DDX39B: variants seen among roughly 807,000 people sequenced by gnomAD.
DDX39B encodes DExD-box helicase 39B.
In DDX39B, 6 loss-of-function variants were observed where a neutral mutation model predicts 46.4. That is an observed-to-expected ratio of 0.13 (90% CI 0.07 to 0.26). DDX39B has a LOEUF of 0.26. Ranked by LOEUF, DDX39B falls within the 10% of genes least tolerant of loss-of-function variation. The probability of loss-of-function intolerance (pLI) is 1.00; values close to 1 mark genes in which losing one functional copy is unlikely to be tolerated. For missense variants in DDX39B, 185 were observed against 553.4 expected, an observed-to-expected ratio of 0.33 and a Z score of 6.68; for synonymous variants, 174 against 199.4, an observed-to-expected ratio of 0.87 and a Z score of 1.07.
chr6:31,539,398 G>A, intron 2 of DDX39B, 124 bp from the exon 3 acceptor site: 1 of 1,405,450 alleles, frequency 7.1e-7, no homozygotes, highest in Non-Finnish European at 9.6e-7. Flanking sequence ...CCTGGTTCTT[G>A]CCAACTTCCA....
At position 31,531,489 on chromosome 6, in the gene DDX39B, T is replaced by C. The variant is rs1767156110; in HGVS notation, c.868-84A>G. On this transcript the variant is annotated intron_variant, in intron 7 of 10. Coordinates refer to ENST00000396172, the MANE Select transcript of DDX39B (RefSeq NM_004640.7). This position sits in a 1 kb window ranked among gnomAD's most constrained non-coding sequence, Gnocchi z 5.8. ...AGAGACATTACGTGGGAGAGGGGAG[T>C]TTCTAGTAATTACGTTCTCAGGAAT... 8.9e-7 allele frequency: 1 copy of C among 1,123,148 alleles called. No individual in the cohort carries two copies. 69.6% of individuals were successfully genotyped at this position (1,123,148 alleles called of 1,614,324 possible). A position where few individuals can be genotyped will look rare whatever the true frequency, so the allele number is the denominator to read the frequency against.
At chr6:31,536,396 A>ATC in intron 5 of DDX39B, 104 bp downstream of exon 5, 1 of 1,526,676 alleles carries the variant, frequency 6.6e-7, no homozygotes, top group South Asian at 1.1e-5. Context: ...TGGGTGATAG[A>ATC]TAAGAGTCGT....
intron 1 of DDX39B, 90 bp downstream of exon 1, chr6:31,541,860 G>A (rs938933434): frequency 1.1e-5 from 7 of 637,116 alleles, no homozygotes; most frequent in East Asian, 2.7e-5. Flanking sequence ...CCAGACCATC[G>A]CCTGTGAAAA....
chr6:31,535,543 T>C lies in DDX39B; in HGVS notation c.617-58A>G. 7.1e-7 allele frequency: 1 copy of C among 1,400,844 alleles called. No individual in the cohort carries two copies. Among genetic ancestry groups the C allele is most frequent in the Non-Finnish European group, 1.0e-6 (1 of 994,344 alleles). The allele number at this position is 1,400,844 out of a possible 1,614,324, so 86.8% of individuals were successfully genotyped here. On this transcript the variant is annotated intron_variant, in intron 5 of 10. Coordinates refer to ENST00000396172, the MANE Select transcript of DDX39B (RefSeq NM_004640.7). This position sits in a 1 kb window ranked among gnomAD's most constrained non-coding sequence, Gnocchi z 4.6. Reference sequence around the variant, plus strand: ...AATAAGCAGGTATGATAAACAAAGATTAGAGGTAGACTTCCCAGTGAGGTG... The same window carrying C: ...AATAAGCAGGTATGATAAACAAAGACTAGAGGTAGACTTCCCAGTGAGGTG...
chr6:31,537,834 G>A (rs189750517), intron 4 of DDX39B, among the ~76,000 whole-genome samples: 5 of 151,934 alleles, frequency 3.3e-5, no homozygotes, highest in African/African-American at 7.2e-5. Flanking sequence ...TCAGGAGTTC[G>A]AGACCAGCCT....
In DDX39B at chr6:31,539,127, A is replaced by T; in HGVS notation, c.339+20T>A. 4 of 1,613,168 alleles carry T rather than the reference A, an allele frequency of 2.5e-6. No homozygotes were observed. Among genetic ancestry groups the T allele is most frequent in the Non-Finnish European group, 3.4e-6 (4 of 1,180,000 alleles). The stretch of plus-strand genomic sequence containing the variant: ...TAGTCCTAACCAAAATCCCCTCCCC[A>T]GCACTCTCCCCAAATATACCTGCCC... On this transcript the variant is annotated intron_variant, in intron 3 of 10. Transcript: ENST00000396172.
At chr6:31,536,769 C>A (rs10456396) in intron 4 of DDX39B, 86 bp from the exon 5 acceptor site, 23,657 of 1,482,216 alleles carry the variant, frequency 0.016, 236 homozygotes, top group Non-Finnish European at 0.017. Context: ...TGAGCTAAAC[C>A]AATTTTTAGC....
At chr6:31,538,478 A>C (rs1768029706) in intron 4 of DDX39B, among the ~76,000 whole-genome samples, 1 of 152,120 alleles carries the variant, frequency 6.6e-6, no homozygotes, top group Non-Finnish European at 1.5e-5. Flanking sequence ...ATATTCACAC[A>C]CCACTGGAGC....
intron 2 of DDX39B, among the ~76,000 whole-genome samples, chr6:31,540,033 A>C (rs1162750863): frequency 6.6e-6 from 1 of 152,220 alleles, no homozygotes; most frequent in African/African-American, 2.4e-5. Flanking sequence ...ACAGTGGTGC[A>C]ATCACGGCTC....
In DDX39B at chr6:31,531,405, C is replaced by T. The variant is rs1767138649; in HGVS notation, c.868G>A (p.Val290Met). 6.2e-7 allele frequency: 1 copy of T among 1,613,862 alleles called. No individual in the cohort carries two copies. Among genetic ancestry groups the T allele is most frequent in the African/African-American group, 1.3e-5 (1 of 74,846 alleles). ...TGCACAGACTTCACAAAGATCACCA[C>T]CTGTTGTGGGGTGGGGTGGGGGGTC... Reference protein sequence around the residue: ...DLLDVLEFNQVVIFVKSVQRC... With the variant: ...DLLDVLEFNQMVIFVKSVQRC... Residue 290 changes from valine (V) to methionine (M), a missense_variant and splice_region_variant, in exon 8 of 11, where the codon GTG becomes ATG. Physicochemically the swap from Val to Met is conservative, Grantham distance 21 (BLOSUM62 1). Coordinates refer to ENST00000396172, the MANE Select transcript of DDX39B (RefSeq NM_004640.7). The surrounding 1 kb of genome is among the most constrained non-coding windows in gnomAD (Gnocchi z 5.8).
At position 31,534,950 on chromosome 6, in the gene DDX39B, G is replaced by A. The variant is rs76371911; in HGVS notation, c.735+417C>T. 9.5e-3 allele frequency: 2,517 copies of A among 264,630 alleles called. 71 individuals carry two copies. Among genetic ancestry groups the A allele is most frequent in the East Asian group, 0.065 (713 of 10,962 alleles). 16.4% of individuals were successfully genotyped at this position (264,630 alleles called of 1,614,324 possible). ...GTCCCTCTCTTGCTCTCCTGCCACCGGGAAGTAGGAGTTTTGGTGAGCAGA... is the reference window on the plus strand; with the variant it reads ...GTCCCTCTCTTGCTCTCCTGCCACCAGGAAGTAGGAGTTTTGGTGAGCAGA... On this transcript the variant is annotated intron_variant, in intron 6 of 10. Transcript: ENST00000396172. The surrounding 1 kb of genome is among the most constrained non-coding windows in gnomAD (Gnocchi z 5.1).
At chr6:31,541,853 G>A in intron 1 of DDX39B, 97 bp downstream of exon 1, 2 of 638,818 alleles carry the variant, frequency 3.1e-6, no homozygotes, top group Admixed American at 5.2e-5. Flanking sequence ...CCAGCGACCA[G>A]ACCATCGCCT....
intron 7 of DDX39B, 70 bp downstream of exon 7, chr6:31,532,710 C>G: frequency 6.4e-7 from 1 of 1,565,474 alleles, no homozygotes; most frequent in Non-Finnish European, 8.7e-7. Context: ...TAAAAGTGTA[C>G]TTAATATCCA....
intron 4 of DDX39B, among the ~76,000 whole-genome samples, chr6:31,538,142 T>C (rs776181110): frequency 2.0e-5 from 3 of 152,210 alleles, no homozygotes; most frequent in Admixed American, 1.3e-4. Flanking sequence ...CCAAAAATGC[T>C]TAACTTCAAT....
intron 1 of DDX39B, chr6:31,541,377 G>A (rs539110747): frequency 8.0e-5 from 30 of 372,826 alleles, no homozygotes; most frequent in African/African-American, 6.0e-4. Context: ...CCCCGCCCAG[G>A]CTTTAACAGG....
rs1261759841 is a variant in DDX39B, at chr6:31,534,221, A to C, written c.735+1146T>G. The C allele has an allele frequency of 4.4e-6, 1 of 228,020 alleles. No homozygotes were observed. Among genetic ancestry groups the C allele is most frequent in the Non-Finnish European group, 9.1e-6 (1 of 110,456 alleles). The allele number at this position is 228,020 out of a possible 1,614,324, so 14.1% of individuals were successfully genotyped here. Reference sequence around the variant, plus strand: ...CACTACACTGCCCCAGCTAGTCTCAAATTCCTGGGCTCAAGCAATCCTCCC... The same window carrying C: ...CACTACACTGCCCCAGCTAGTCTCACATTCCTGGGCTCAAGCAATCCTCCC... On this transcript the variant is annotated intron_variant, in intron 6 of 10. Transcript: ENST00000396172. This position sits in a 1 kb window ranked among gnomAD's most constrained non-coding sequence, Gnocchi z 5.1.
chr6:31,536,833 TC>T (rs1172218851), intron 4 of DDX39B, 150 bp from the exon 5 acceptor site: 14 of 932,016 alleles, frequency 1.5e-5, no homozygotes, highest in East Asian at 5.3e-5. Context: ...AAATTTTATG[TC>T]CCCCCCACCA....
At chr6:31,540,259 C>T in intron 2 of DDX39B, 63 bp downstream of exon 2, 1 of 1,545,662 alleles carries the variant, frequency 6.5e-7, no homozygotes, top group Non-Finnish European at 8.9e-7. Context: ...CAACGACAAA[C>T]ACATCTTTGT....
chr6:31,540,173 T>A (rs1768247811), intron 2 of DDX39B, 149 bp downstream of exon 2: 1 of 841,724 alleles, frequency 1.2e-6, no homozygotes, highest in African/African-American at 1.7e-5. Flanking sequence ...CCTCCCAAAG[T>A]GCTGGGATTA....
Sources: allele counts gnomAD v4.1 joint callset (sites outside exome capture counted in the v4.1 genomes callset), GRCh38; gene constraint gnomAD v4.1.1; non-coding constraint Gnocchi (gnomAD v3.1); transcripts MANE v1.5; gene names NCBI Gene and HGNC (gene_info 2026-07-23, HGNC 2026-07-21).